ITIH2: variants seen among roughly 807,000 people sequenced by gnomAD.
ITIH2 encodes inter-alpha-trypsin inhibitor heavy chain 2.
In ITIH2, 103 loss-of-function variants were observed where a neutral mutation model predicts 104.4. That is an observed-to-expected ratio of 0.99 (90% CI 0.84 to 1.16). ITIH2 has a LOEUF of 1.16. Ranked by LOEUF, ITIH2 falls within the 50% of genes most tolerant of loss-of-function variation. The pLI is 0.00. For missense variants in ITIH2, 1,108 were observed against 1,162.4 expected (o/e 0.95, Z 0.68); for synonymous variants, 436 against 435.4 (o/e 1.00, Z -0.02).
chr10:7,746,220 A>G (rs1429925083), intron 19 of ITIH2, among the ~76,000 whole-genome samples: 1 of 151,488 alleles, frequency 6.6e-6, no homozygotes, highest in Non-Finnish European at 1.5e-5. Flanking sequence ...CTGTCTCTAC[A>G]AAAAATTAGC....
Position 7,735,063 on chromosome 10 carries a change from C to G in ITIH2, c.1929C>G (p.Ala643=). Residue 643 remains alanine, a synonymous_variant, in exon 15 of 21, where the codon GCC becomes GCG. Coordinates refer to ENST00000358415, the MANE Select transcript of ITIH2 (RefSeq NM_002216.3). ...GGGATGAGCGCATGCTGGCGGATGC[C>G]CCACCGCAGGATCCCTCCTGCTGCT... The part of the protein sequence containing the change: ...EAGDERMLAD[A]PPQDPSCCSG... 1 of 1,611,190 alleles carries G rather than the reference C, an allele frequency of 6.2e-7. No individual in the cohort carries two copies. Among genetic ancestry groups the G allele is most frequent in the Non-Finnish European group, 8.5e-7 (1 of 1,179,888 alleles).
At chr10:7,727,343 G>T (rs760418750) in intron 10 of ITIH2, among the ~76,000 whole-genome samples, 3 of 152,190 alleles carry the variant, frequency 2.0e-5, no homozygotes, top group Non-Finnish European at 4.4e-5. Context: ...CTCAGAAAAA[G>T]GTTCAGTGAC....
At chr10:7,737,430 C>CAT (rs201691341) in intron 15 of ITIH2, among the ~76,000 whole-genome samples, 4 of 109,934 alleles carry the variant, frequency 3.6e-5, no homozygotes, top group Admixed American at 1.0e-4. Flanking sequence ...TATATATACA[C>CAT]GTGTATATAT....
chr10:7,737,794 T>G lies in ITIH2; in HGVS notation c.1958-827T>G, dbSNP rs1257946280. Among the ~76,000 whole-genome samples the G allele has an allele frequency of 2.8e-4, 5 of 17,638 alleles. 1 individual carries two copies. Among genetic ancestry groups the G allele is most frequent in the South Asian group, 2.1e-3 (1 of 482 alleles). The allele number at this position is 17,638 out of a possible 152,430, so 11.6% of individuals were successfully genotyped here. A position where few individuals can be genotyped will look rare whatever the true frequency, so the allele number is the denominator to read the frequency against. On this transcript the variant is annotated intron_variant, in intron 15 of 20. Transcript: ENST00000358415. ...ATAATATTCTATATTATATTCTATA[T>G]AATATTCTATATTATATTCTATATA... is the stretch of plus-strand genomic sequence containing the variant.
At chr10:7,721,875 C>A in intron 8 of ITIH2, 98 bp downstream of exon 8, 1 of 1,327,692 alleles carries the variant, frequency 7.5e-7, no homozygotes, top group Non-Finnish European at 1.0e-6. Flanking sequence ...TTCTAGCTGC[C>A]AGGGCAAGTG....
At chr10:7,718,437 A>G (rs1834871703) in intron 6 of ITIH2, among the ~76,000 whole-genome samples, 1 of 152,168 alleles carries the variant, frequency 6.6e-6, no homozygotes, top group Admixed American at 6.5e-5. Context: ...CATTCAACCC[A>G]AGACACTAAT....
At chr10:7,738,838 T>A (rs1835098064) in intron 16 of ITIH2, 80 bp downstream of exon 16, 2 of 1,424,172 alleles carry the variant, frequency 1.4e-6, no homozygotes, top group Non-Finnish European at 1.9e-6. Context: ...TGAGGCCAGG[T>A]GCAGCGGCTC....
chr10:7,728,127 C>T (rs574965452), intron 11 of ITIH2, among the ~76,000 whole-genome samples: 2 of 152,262 alleles, frequency 1.3e-5, no homozygotes, highest in African/African-American at 4.8e-5. Context: ...GGAAATGCAT[C>T]TATTTCCTCA....
At chr10:7,704,626 C>T (rs767642456) in intron 1 of ITIH2, among the ~76,000 whole-genome samples, 3 of 152,094 alleles carry the variant, frequency 2.0e-5, no homozygotes, top group African/African-American at 4.8e-5. Context: ...CCAACAAATG[C>T]GAAGGTGTTG....
intron 13 of ITIH2, 60 bp from the exon 14 acceptor site, chr10:7,732,278 G>T: frequency 6.5e-7 from 1 of 1,548,622 alleles, no homozygotes; most frequent in Non-Finnish European, 8.9e-7. Context: ...CTAAAAATGT[G>T]AATCAATGAA....
At chr10:7,708,606 C>T (rs1834768378) in intron 3 of ITIH2, among the ~76,000 whole-genome samples, 1 of 152,146 alleles carries the variant, frequency 6.6e-6, no homozygotes, top group African/African-American at 2.4e-5. Context: ...TGTGTGACCC[C>T]TACTAAAGAT....
chr10:7,725,510 T>C (rs140065046), intron 9 of ITIH2, among the ~76,000 whole-genome samples: 93 of 152,192 alleles, frequency 6.1e-4, no homozygotes, highest in Admixed American at 3.5e-3. Context: ...GGAATCTGTT[T>C]TGAAGGTAGA....
rs920325334 is a variant in ITIH2 at position 7,720,882 on chromosome 10, G to C, written c.657G>C (p.Gln219His). Reference sequence around the variant, plus strand: ...TAGATGTGTGGGTTATCGAACCACAGGGACTGAGATTTCTTCATGTTCCCG... The same window carrying C: ...TAGATGTGTGGGTTATCGAACCACACGGACTGAGATTTCTTCATGTTCCCG... ...LEVDVWVIEP[Q>H]GLRFLHVPDT... Residue 219 changes from glutamine to histidine, a missense_variant, in exon 7 of 21, where the codon CAG becomes CAC. By Grantham distance (24) the Gln-to-His change is conservative. Coordinates refer to ENST00000358415, the MANE Select transcript of ITIH2 (RefSeq NM_002216.3). 3.1e-6 allele frequency: 5 copies of C among 1,612,766 alleles called. No individual in the cohort carries two copies. Among genetic ancestry groups the C allele is most frequent in the Non-Finnish European group, 4.2e-6 (5 of 1,178,892 alleles).
chr10:7,734,068 G>A (rs961817712), intron 14 of ITIH2, among the ~76,000 whole-genome samples: 2 of 152,050 alleles, frequency 1.3e-5, no homozygotes, highest in African/African-American at 2.4e-5. Flanking sequence ...TGGGAGATAC[G>A]TGAGTAGGTG....
intron 5 of ITIH2, among the ~76,000 whole-genome samples, chr10:7,714,860 C>T (rs1013036045): frequency 2.6e-5 from 4 of 152,128 alleles, no homozygotes; most frequent in Non-Finnish European, 5.9e-5. Flanking sequence ...AGCTGGCCTT[C>T]GTATTCATGG....
chr10:7,720,246 T>C (rs1004004335), intron 6 of ITIH2, among the ~76,000 whole-genome samples: 3 of 152,220 alleles, frequency 2.0e-5, no homozygotes, highest in African/African-American at 4.8e-5. Context: ...CTGTGCAATA[T>C]ATTCATGTAA....
intron 14 of ITIH2, among the ~76,000 whole-genome samples, chr10:7,733,075 C>G (rs1446571482): frequency 6.6e-6 from 1 of 151,830 alleles, no homozygotes; most frequent in African/African-American, 2.4e-5. Context: ...TTATATCTAT[C>G]ATCCGTGTAA....
At position 7,721,023 on chromosome 10, in the gene ITIH2, TCTC is replaced by T; in HGVS notation, c.738+63_738+65del. 5 of 1,033,510 alleles carry T rather than the reference TCTC, an allele frequency of 4.8e-6. No homozygotes were observed. The South Asian group carries it at 5.1e-5, about 11-fold the overall frequency. 64.0% of individuals were successfully genotyped at this position (1,033,510 alleles called of 1,614,324 possible). On this transcript the variant is annotated intron_variant, in intron 7 of 20. Transcript: ENST00000358415. ...AGGGCCTCTGGATTGTGGGTTCTGT[TCTC>T]CTTCTGTGCTCTGGAGAAGAGAAAA...
At chr10:7,705,318 C>G (rs1388516125) in intron 2 of ITIH2, 136 bp downstream of exon 2, 1 of 676,496 alleles carries the variant, frequency 1.5e-6, no homozygotes, top group East Asian at 2.5e-5. Context: ...AGACTTCTTA[C>G]ACCTTGGTGG....
Sources: allele counts gnomAD v4.1 joint callset (sites outside exome capture counted in the v4.1 genomes callset), GRCh38; gene constraint gnomAD v4.1.1; transcripts MANE v1.5; gene names NCBI Gene and HGNC (gene_info 2026-07-23, HGNC 2026-07-21).